BRD10: variants seen among roughly 807,000 people sequenced by gnomAD.
BRD10 encodes uncharacterized bromodomain-containing protein 10.
At chr9:6,001,003 T>C in the BRD10 span, among the ~76,000 whole-genome samples, 10 of 152,318 alleles carry the variant, frequency 6.6e-5, no homozygotes, top group South Asian at 4.1e-4. Flanking sequence ...TGCACTCTTA[T>C]AATTCTCAGC....
the BRD10 span, among the ~76,000 whole-genome samples, chr9:5,989,609 G>GCTTCAACCT: frequency 7.3e-5 from 11 of 149,790 alleles, no homozygotes; most frequent in African/African-American, 2.7e-4. Context: ...TGATCCTGCA[G>GCTTCAACCT]CTTCAACCTC....
At chr9:5,879,869 A>G in the BRD10 span, among the ~76,000 whole-genome samples, 1 of 152,204 alleles carries the variant, frequency 6.6e-6, no homozygotes. Flanking sequence ...GTCAGATAAT[A>G]AGTCAGTTCT....
chr9:5,892,549 AGAGT>A, the BRD10 span: 1 of 1,612,492 alleles, frequency 6.2e-7, no homozygotes, highest in Non-Finnish European at 8.5e-7. Flanking sequence ...CCACGGCTGA[AGAGT>A]AAGTTCAAAA....
chr9:5,899,347 C>T, the BRD10 span: 16 of 152,236 alleles, frequency 1.1e-4, no homozygotes, highest in African/African-American at 3.1e-4. Flanking sequence ...GGATTCTTTC[C>T]CTCTTTGCCA....
the BRD10 span, among the ~76,000 whole-genome samples, chr9:5,952,142 T>A: frequency 6.6e-6 from 1 of 152,028 alleles, no homozygotes. Flanking sequence ...TCTCTCAGCC[T>A]CCCGGGTAGA....
At chr9:5,887,710 T>C in the BRD10 span, among the ~76,000 whole-genome samples, 1 of 152,218 alleles carries the variant, frequency 6.6e-6, no homozygotes, top group Non-Finnish European at 1.5e-5. Context: ...GCTTATATCC[T>C]TCCCAATTTT....
chr9:5,906,922 C>T, the BRD10 span: 4 of 1,596,224 alleles, frequency 2.5e-6, no homozygotes, highest in Admixed American at 3.5e-5. Flanking sequence ...TGTGCCTTAA[C>T]AAGAAGATGC....
chr9:5,920,103 T>C, the BRD10 span: 1 of 1,613,916 alleles, frequency 6.2e-7, no homozygotes. Flanking sequence ...TTTATAAATT[T>C]TGTAGGGCTT....
the BRD10 span, among the ~76,000 whole-genome samples, chr9:5,891,484 G>A: frequency 6.6e-6 from 1 of 152,218 alleles, no homozygotes; most frequent in East Asian, 1.9e-4. Context: ...GTCATGTGTC[G>A]AAATCCCCAC....
At chr9:5,887,371 G>T in the BRD10 span, among the ~76,000 whole-genome samples, 1 of 152,196 alleles carries the variant, frequency 6.6e-6, no homozygotes, top group East Asian at 1.9e-4. Flanking sequence ...GGGAGGGGAT[G>T]ATGCCAGCTG....
At chr9:5,937,160 C>T in the BRD10 span, among the ~76,000 whole-genome samples, 3 of 148,272 alleles carry the variant, frequency 2.0e-5, no homozygotes, top group African/African-American at 7.5e-5. Context: ...AACCCGGAGG[C>T]GCAGGTTGCA....
At chr9:6,008,367 G>A in the BRD10 span, 19 of 950,758 alleles carry the variant, frequency 2.0e-5, no homozygotes, top group Admixed American at 4.3e-4. Context: ...GCGGTGAGGG[G>A]GGAGAAAGGG....
the BRD10 span, among the ~76,000 whole-genome samples, chr9:5,884,717 C>G: frequency 6.6e-6 from 1 of 152,234 alleles, no homozygotes; most frequent in South Asian, 2.1e-4. Flanking sequence ...TGTAGTGAAC[C>G]CTGGTGTTGA....
the BRD10 span, among the ~76,000 whole-genome samples, chr9:5,938,059 T>C: frequency 2.0e-5 from 3 of 152,324 alleles, no homozygotes; most frequent in African/African-American, 7.2e-5. Flanking sequence ...TATAAACATG[T>C]AATTAAGGGA....
chr9:5,936,521 T>C, the BRD10 span, among the ~76,000 whole-genome samples: 7 of 152,204 alleles, frequency 4.6e-5, no homozygotes, highest in Non-Finnish European at 1.0e-4. Context: ...AACATCCACA[T>C]GTGTACTTTG....
chr9:5,899,396 C>T, the BRD10 span: 1 of 152,108 alleles, frequency 6.6e-6, no homozygotes, highest in Non-Finnish European at 1.5e-5. Flanking sequence ...TCTCCTGTTC[C>T]CCAATGTCTT....
At chr9:5,977,805 A>G in the BRD10 span, among the ~76,000 whole-genome samples, 2 of 152,240 alleles carry the variant, frequency 1.3e-5, no homozygotes, top group African/African-American at 4.8e-5. Flanking sequence ...ACTGCACTCC[A>G]GCCTGGGCAA....
chr9:5,995,334 C>G, the BRD10 span, among the ~76,000 whole-genome samples: 8 of 152,326 alleles, frequency 5.3e-5, no homozygotes, highest in Middle Eastern at 3.4e-3. Context: ...CCAAAATTAT[C>G]TAAATCCAGG....
chr9:6,005,727 G>C, the BRD10 span, among the ~76,000 whole-genome samples: 1 of 152,138 alleles, frequency 6.6e-6, no homozygotes, highest in Non-Finnish European at 1.5e-5. Context: ...AAATAATAAC[G>C]TGAATGGATT....
Sources: allele counts gnomAD v4.1 joint callset (sites outside exome capture counted in the v4.1 genomes callset), GRCh38; gene constraint gnomAD v4.1.1; transcripts MANE v1.5; gene names NCBI Gene and HGNC (gene_info 2026-07-23, HGNC 2026-07-21).